Variants in EEA1 observed in about 807,000 individuals in gnomAD.
The protein encoded by EEA1 is early endosome antigen 1, 162kD.
A neutral mutation model predicts 209.2 loss-of-function variants in EEA1; 111 were observed. The ratio of observed to expected loss-of-function variants is 0.53; its 90% CI spans 0.45 to 0.62. The LOEUF (loss-of-function observed/expected upper bound fraction) is 0.62, where lower values mean the gene tolerates loss of function less well. Ranked by LOEUF, EEA1 falls within the 20% of genes least tolerant of loss-of-function variation. The pLI, the probability that EEA1 is intolerant of heterozygous loss-of-function variation, is 0.00. For synonymous variants in EEA1, 536 were observed against 540.6 expected (o/e 0.99, Z 0.12); for missense variants, 1,343 against 1,530.8 (o/e 0.88, Z 2.05).
intron 2 of EEA1, among the ~76,000 whole-genome samples, chr12:92,874,645 C>T (rs914453121): frequency 2.0e-5 from 3 of 152,224 alleles, no homozygotes; most frequent in Non-Finnish European, 4.4e-5. Flanking sequence ...GGATTACAGG[C>T]GTGAGCCACA....
At chr12:92,850,710 A>G (rs928540210) in intron 9 of EEA1, among the ~76,000 whole-genome samples, 63 of 150,848 alleles carry the variant, frequency 4.2e-4, no homozygotes, top group Non-Finnish European at 6.9e-4. Context: ...AAAAAAAAAA[A>G]AAAAAAGAAA....
chr12:92,889,324 G>GCC (rs2136752951), intron 2 of EEA1, among the ~76,000 whole-genome samples: 1 of 152,024 alleles, frequency 6.6e-6, no homozygotes, highest in South Asian at 2.1e-4. Flanking sequence ...AAAAAAACCA[G>GCC]AAGTGTGTGG....
At chr12:92,800,502 T>C (rs1874858443) in intron 20 of EEA1, among the ~76,000 whole-genome samples, 2 of 152,206 alleles carry the variant, frequency 1.3e-5, no homozygotes, top group African/African-American at 2.4e-5. Context: ...GAAAAAATGT[T>C]AGTGTTATAT....
chr12:92,864,792 A>G (rs1172309359), intron 3 of EEA1, 68 bp downstream of exon 3: 1 of 1,391,816 alleles, frequency 7.2e-7, no homozygotes, highest in African/African-American at 1.5e-5. Flanking sequence ...AAGCTAATTA[A>G]TCATGATTAA....
At position 92,858,592 on chromosome 12, in the gene EEA1, A is replaced by G. The variant is rs1877992016; in HGVS notation, c.246-1107T>C. 4 of 746,436 alleles carry G rather than the reference A, an allele frequency of 5.4e-6. No homozygotes were observed. The East Asian group carries it at 1.0e-4, about 19-fold the overall frequency. 46.2% of individuals were successfully genotyped at this position (746,436 alleles called of 1,614,324 possible). On this transcript the variant is annotated intron_variant, in intron 3 of 28. Coordinates refer to ENST00000322349, the MANE Select transcript of EEA1 (RefSeq NM_003566.4). ...AGCCAAACTGGCAGAACTACGCCAT[A>G]ATGGCACTTTGCCTGGGTTATGCCC...
chr12:92,799,364 C>T (rs1874797764), intron 20 of EEA1, among the ~76,000 whole-genome samples: 1 of 152,110 alleles, frequency 6.6e-6, no homozygotes, highest in Admixed American at 6.5e-5. Flanking sequence ...TTTTTTAACA[C>T]TACCTTTCTT....
chr12:92,925,756 T>C (rs1430793462), intron 1 of EEA1, among the ~76,000 whole-genome samples: 1 of 152,136 alleles, frequency 6.6e-6, no homozygotes, highest in Non-Finnish European at 1.5e-5. Context: ...CTTAGTAAGC[T>C]AATGAAAAAG....
At chr12:92,897,027 A>G (rs1879913830) in intron 1 of EEA1, among the ~76,000 whole-genome samples, 1 of 152,012 alleles carries the variant, frequency 6.6e-6, no homozygotes, top group African/African-American at 2.4e-5. Context: ...AAATACAAAA[A>G]TCAGCAAGGC....
intron 2 of EEA1, among the ~76,000 whole-genome samples, chr12:92,880,688 G>A (rs997313194): frequency 1.3e-5 from 2 of 152,192 alleles, no homozygotes; most frequent in East Asian, 3.9e-4. Flanking sequence ...TGTTAGCCAG[G>A]ATGGTCTCGA....
At chr12:92,923,734 G>GT (rs888137926) in intron 1 of EEA1, among the ~76,000 whole-genome samples, 29 of 142,966 alleles carry the variant, frequency 2.0e-4, no homozygotes, top group South Asian at 6.6e-4. Flanking sequence ...AACTCAGCAG[G>GT]TTTTTTTTTT....
In EEA1 at chr12:92,808,988, T is replaced by C. The variant is rs201735586; in HGVS notation, c.2339+29A>G. Reference sequence around the variant, plus strand: ...ATACTTAGTTCACAATCTTTTCCCTTAATTTGTAAGTAAAGTGGTTTAGCT... The same window carrying C: ...ATACTTAGTTCACAATCTTTTCCCTCAATTTGTAAGTAAAGTGGTTTAGCT... On this transcript the variant is annotated intron_variant, in intron 18 of 28. Transcript: ENST00000322349. 2.1e-5 allele frequency: 32 copies of C among 1,552,844 alleles called. No individual in the cohort carries two copies. In the African/African-American group the frequency reaches 3.9e-4, roughly 19 times the overall value.
intron 10 of EEA1, 92 bp downstream of exon 10, chr12:92,842,373 T>C: frequency 7.3e-6 from 5 of 688,622 alleles, no homozygotes; most frequent in Non-Finnish European, 9.9e-6. Flanking sequence ...AGTCACATTG[T>C]ACTATGCCAA....
Position 92,819,309 on chromosome 12 carries a change from T to A in EEA1, c.1727A>T (p.Gln576Leu). The A allele has an allele frequency of 6.3e-7, 1 of 1,583,912 alleles. No homozygotes were observed. The highest frequency in any genetic ancestry group is 2.2e-5 in the East Asian group (1 of 44,446). ...LQEKNHTLQE[Q>L]VTQLTEKLKN... ...ATATAATATATTTTACAAGCTTACT[T>A]GCTCCTGTAGTGTATGGTTTTTTTC... The change falls in exon 14 of 29, where the codon CAA becomes CTA. Residue 576 changes from glutamine (Q) to leucine (L), a missense_variant and splice_region_variant. Physicochemically the swap from Gln to Leu is moderately radical, Grantham distance 113. Transcript: ENST00000322349.
intron 1 of EEA1, among the ~76,000 whole-genome samples, chr12:92,917,041 A>G (rs1231987136): frequency 6.7e-6 from 1 of 149,692 alleles, no homozygotes; most frequent in Non-Finnish European, 1.5e-5. Flanking sequence ...GGAAGTTTAG[A>G]GAAAAAAGAA....
intron 1 of EEA1, among the ~76,000 whole-genome samples, chr12:92,903,276 G>C (rs1421036434): frequency 6.6e-6 from 1 of 151,492 alleles, no homozygotes; most frequent in Non-Finnish European, 1.5e-5. Flanking sequence ...AAGTGTGTAG[G>C]TTATAAAAGC....
intron 10 of EEA1, among the ~76,000 whole-genome samples, chr12:92,833,933 A>C (rs1876786911): frequency 6.6e-6 from 1 of 152,186 alleles, no homozygotes; most frequent in South Asian, 2.1e-4. Flanking sequence ...GCTAGTTAAG[A>C]TCATCTAAAT....
In EEA1 at chr12:92,808,753, A is replaced by G. The variant is rs546841576; in HGVS notation, c.2339+264T>C. On this transcript the variant is annotated intron_variant, in intron 18 of 28. Transcript: ENST00000322349. Reference sequence around the variant, plus strand: ...CATAAAACAAGGTTTATGCCAGAGAAATGAGCACCATATCATTGTTGAAAA... The same window carrying G: ...CATAAAACAAGGTTTATGCCAGAGAGATGAGCACCATATCATTGTTGAAAA... Among the ~76,000 whole-genome samples the G allele has an allele frequency of 2.7e-4, 41 of 152,306 alleles. 1 individual carries two copies. In the South Asian group the frequency reaches 7.7e-3, roughly 29 times the overall value.
intron 21 of EEA1, among the ~76,000 whole-genome samples, chr12:92,790,528 T>G (rs1259755077): frequency 1.3e-5 from 2 of 152,042 alleles, no homozygotes; most frequent in African/African-American, 4.8e-5. Context: ...GAAGAAAGGG[T>G]ATCAGTGATT....
chr12:92,905,265 A>G (rs1306395652), intron 1 of EEA1, among the ~76,000 whole-genome samples: 3 of 152,202 alleles, frequency 2.0e-5, no homozygotes, highest in Admixed American at 2.0e-4. Context: ...ATTTGAAATT[A>G]TGAAAAAAAT....
Sources: gnomAD v4.1 joint callset for allele counts (sites outside exome capture counted in the v4.1 genomes callset) on GRCh38, gnomAD v4.1.1 for gene constraint, MANE v1.5 for transcripts, NCBI Gene and HGNC (gene_info 2026-07-23, HGNC 2026-07-21) for gene names.